Variants in DAOA observed in about 807,000 individuals in gnomAD.
DAOA encodes D-amino acid oxidase regulator.
In DAOA, 15 loss-of-function variants were observed where a neutral mutation model predicts 16.4. The ratio of observed to expected loss-of-function variants is 0.91; its 90% confidence interval spans 0.61 to 1.41. The LOEUF (loss-of-function observed/expected upper bound fraction) is 1.41. Ranked by LOEUF, DAOA falls within the 40% of genes most tolerant of loss-of-function variation. The pLI is 0.00. For synonymous variants in DAOA, 75 were observed against 59.1 expected (o/e 1.27, Z -1.23); for missense variants, 230 against 176.8 (o/e 1.30, Z -1.71).
At chr13:105,480,550 A>AGAT (rs34552110) in intron 4 of DAOA, among the ~76,000 whole-genome samples, 15 of 151,880 alleles carry the variant, frequency 9.9e-5, no homozygotes, top group African/African-American at 3.4e-4. Flanking sequence ...ATAGATAGAT[A>AGAT]GATAGATAGA....
At chr13:105,476,572 C>T (rs911825300) in intron 4 of DAOA, among the ~76,000 whole-genome samples, 8 of 149,702 alleles carry the variant, frequency 5.3e-5, no homozygotes, top group Admixed American at 2.7e-4. Context: ...TTCTCCCTCT[C>T]GGTGATTTAT....
chr13:105,480,093 C>T (rs1877608480), intron 4 of DAOA, among the ~76,000 whole-genome samples: 1 of 152,068 alleles, frequency 6.6e-6, no homozygotes, highest in Non-Finnish European at 1.5e-5. Context: ...TATTTAATAA[C>T]ACATAGTATT....
intron 4 of DAOA, among the ~76,000 whole-genome samples, chr13:105,485,956 T>C (rs1878075756): frequency 6.6e-6 from 1 of 152,192 alleles, no homozygotes; most frequent in Admixed American, 6.5e-5. Flanking sequence ...CACAGTTCTC[T>C]GTTGTAGCAG....
Position 105,472,665 on chromosome 13 carries a change from C to A in DAOA, c.261C>A (p.Tyr87Ter). 1 of 1,613,830 alleles carries A rather than the reference C, an allele frequency of 6.2e-7. No individual in the cohort carries two copies. Among genetic ancestry groups the A allele is most frequent in the Non-Finnish European group, 8.5e-7 (1 of 1,179,790 alleles). The change falls in exon 4 of 6, where the codon TAC (tyrosine) becomes TAA (stop). Residue 87 changes from tyrosine to a stop codon, truncating the protein, a stop_gained. Transcript: ENST00000375936. LOFTEE classifies it high-confidence loss of function. ...LQRSLCPWVS[Y>*]LPQPYAELEE... Reference sequence around the variant, plus strand: ...GATCATTATGTCCTTGGGTCTCTTACCTTCCTCAGCCCTATGCAGAGTATG... The same window carrying A: ...GATCATTATGTCCTTGGGTCTCTTAACTTCCTCAGCCCTATGCAGAGTATG...
intron 3 of DAOA, 78 bp downstream of exon 3, chr13:105,467,219 T>C: frequency 1.4e-6 from 2 of 1,382,812 alleles, no homozygotes; most frequent in Non-Finnish European, 9.7e-7. Flanking sequence ...TACATAATAC[T>C]TTTGACATAT....
intron 4 of DAOA, among the ~76,000 whole-genome samples, chr13:105,482,857 T>A (rs941534887): frequency 8.5e-5 from 13 of 152,234 alleles, no homozygotes; most frequent in Admixed American, 4.6e-4. Context: ...GAACTTTTTT[T>A]AAAATCAACT....
intron 5 of DAOA, 60 bp downstream of exon 5, chr13:105,490,252 A>T: frequency 2.3e-6 from 2 of 858,614 alleles, no homozygotes; most frequent in Non-Finnish European, 2.9e-6. Context: ...AATTTTTATG[A>T]ATTATATTTT....
In DAOA at chr13:105,466,376, A is replaced by C. The variant is rs533050193; in HGVS notation, c.44+44A>C. On this transcript the variant is annotated intron_variant, in intron 2 of 5. Coordinates refer to ENST00000375936, the MANE Select transcript of DAOA (RefSeq NM_172370.5). ...TTTACAGCATGGCGGCCTCAGTGCA[A>C]TGTGACATTTGCATGGCAGCACAGA... The C allele has an allele frequency of 4.0e-5, 64 of 1,613,408 alleles. 1 individual carries two copies. The South Asian group carries it at 6.5e-4, about 16-fold the overall frequency.
At chr13:105,479,071 C>T (rs991214868) in intron 4 of DAOA, among the ~76,000 whole-genome samples, 1 of 152,190 alleles carries the variant, frequency 6.6e-6, no homozygotes, top group African/African-American at 2.4e-5. Flanking sequence ...CAGTGGTGCA[C>T]AGGACCATTT....
chr13:105,479,135 C>G (rs1392010626), intron 4 of DAOA, among the ~76,000 whole-genome samples: 2 of 152,162 alleles, frequency 1.3e-5, no homozygotes, highest in Non-Finnish European at 2.9e-5. Context: ...TAGAACACAG[C>G]CCCCATCTTT....
intron 4 of DAOA, among the ~76,000 whole-genome samples, chr13:105,484,419 C>T (rs1877969492): frequency 6.6e-6 from 1 of 152,130 alleles, no homozygotes; most frequent in Admixed American, 6.5e-5. Flanking sequence ...GGACAACTGA[C>T]ATCTTAAGAA....
chr13:105,471,073 C>T (rs546964726), intron 3 of DAOA, among the ~76,000 whole-genome samples: 76 of 152,096 alleles, frequency 5.0e-4, no homozygotes, highest in Admixed American at 1.4e-3. Flanking sequence ...CAGGCATGAG[C>T]CACCGTGCCC....
chr13:105,486,821 T>C (rs1878143978), intron 4 of DAOA, among the ~76,000 whole-genome samples: 1 of 152,078 alleles, frequency 6.6e-6, no homozygotes, highest in East Asian at 1.9e-4. Flanking sequence ...GGTTTCACCA[T>C]GTTGGCCCAG....
chr13:105,485,991 C>T (rs931902428), intron 4 of DAOA, among the ~76,000 whole-genome samples: 1 of 152,164 alleles, frequency 6.6e-6, no homozygotes, highest in Non-Finnish European at 1.5e-5. Flanking sequence ...CCACTCCCAT[C>T]CCCATCACCT....
intron 4 of DAOA, among the ~76,000 whole-genome samples, chr13:105,475,908 T>A (rs1010209511): frequency 1.3e-5 from 2 of 152,188 alleles, no homozygotes; most frequent in African/African-American, 4.8e-5. Flanking sequence ...GCTTCAATTA[T>A]TCACATTTAT....
At chr13:105,482,962 C>T (rs567961497) in intron 4 of DAOA, among the ~76,000 whole-genome samples, 19 of 152,240 alleles carry the variant, frequency 1.2e-4, no homozygotes, top group Non-Finnish European at 2.4e-4. Context: ...AACATTACCA[C>T]GGTAATGTTT....
intron 4 of DAOA, among the ~76,000 whole-genome samples, chr13:105,480,788 G>T (rs973790588): frequency 6.6e-6 from 1 of 152,090 alleles, no homozygotes; most frequent in Admixed American, 6.6e-5. Context: ...TCCAAGAGCA[G>T]GGAATGAAGA....
intron 4 of DAOA, among the ~76,000 whole-genome samples, chr13:105,483,901 A>G (rs1877927114): frequency 6.6e-6 from 1 of 151,990 alleles, no homozygotes; most frequent in Non-Finnish European, 1.5e-5. Context: ...AGTTTATCAC[A>G]TTTATTCTTG....
intron 4 of DAOA, among the ~76,000 whole-genome samples, chr13:105,479,359 G>T (rs954722505): frequency 1.3e-5 from 2 of 152,092 alleles, no homozygotes; most frequent in Non-Finnish European, 2.9e-5. Flanking sequence ...ATTCTCTAGG[G>T]CTTTGTATTA....
Sources: allele counts gnomAD v4.1 joint callset (sites outside exome capture counted in the v4.1 genomes callset), GRCh38; gene constraint gnomAD v4.1.1; transcripts MANE v1.5; gene names NCBI Gene and HGNC (gene_info 2026-07-23, HGNC 2026-07-21).